The following DNER variants were observed in gnomAD, a reference collection of about 807,000 sequenced individuals.
DNER encodes delta and Notch-like epidermal growth factor-related receptor.
In DNER, 33 loss-of-function variants were observed where a neutral mutation model predicts 78.2. The observed-to-expected ratio is 0.42, with a 90% CI of 0.32 to 0.56. The LOEUF (loss-of-function observed/expected upper bound fraction) is 0.56. Ranked by LOEUF, DNER falls within the 20% of genes least tolerant of loss-of-function variation. The probability of loss-of-function intolerance (pLI) is 0.11; values close to 1 mark genes in which losing one functional copy is unlikely to be tolerated. For missense variants in DNER, 918 were observed against 975.3 expected (o/e 0.94, Z 0.78); for synonymous variants, 417 against 384.8 (o/e 1.08, Z -0.98).
chr2:229,593,453 C>T (rs865942625), intron 1 of DNER, among the ~76,000 whole-genome samples: 1 of 152,196 alleles, frequency 6.6e-6, no homozygotes, highest in African/African-American at 2.4e-5. Flanking sequence ...AGCCTTCCCT[C>T]ACTGTGAAAT....
At chr2:229,398,577 G>C (rs1574825640) in intron 10 of DNER, among the ~76,000 whole-genome samples, 1 of 152,032 alleles carries the variant, frequency 6.6e-6, no homozygotes, top group South Asian at 2.1e-4. Flanking sequence ...ACTATTTTGT[G>C]TCTACGTTCA....
intron 4 of DNER, among the ~76,000 whole-genome samples, chr2:229,581,416 C>T (rs1697394931): frequency 6.6e-6 from 1 of 151,826 alleles, no homozygotes; most frequent in Non-Finnish European, 1.5e-5. Flanking sequence ...AAACAAAAGG[C>T]TAATTTAGAT....
chr2:229,691,736 T>TA (rs367750179), intron 1 of DNER, among the ~76,000 whole-genome samples: 33 of 146,052 alleles, frequency 2.3e-4, no homozygotes, highest in Admixed American at 2.7e-4. Context: ...AACAATTGGT[T>TA]AAAAAAAAAA....
At chr2:229,521,163 T>A (rs1473190713) in intron 5 of DNER, among the ~76,000 whole-genome samples, 1 of 152,244 alleles carries the variant, frequency 6.6e-6, no homozygotes, top group Non-Finnish European at 1.5e-5. Context: ...CGGAAAGCTC[T>A]GGAATCATTT....
At chr2:229,603,495 A>G (rs184425154) in intron 1 of DNER, among the ~76,000 whole-genome samples, 11 of 152,340 alleles carry the variant, frequency 7.2e-5, no homozygotes, top group Admixed American at 5.2e-4. Context: ...ATGAAAAAGA[A>G]AGAACTATAG....
intron 1 of DNER, among the ~76,000 whole-genome samples, chr2:229,621,923 A>C (rs141533245): frequency 0.021 from 3,237 of 152,190 alleles, 45 homozygotes; most frequent in Middle Eastern, 0.034. Context: ...GTCTCTACTA[A>C]AAATAAAAAA....
At chr2:229,437,403 G>A (rs181043746) in intron 8 of DNER, among the ~76,000 whole-genome samples, 1 of 152,268 alleles carries the variant, frequency 6.6e-6, no homozygotes, top group East Asian at 1.9e-4. Flanking sequence ...GCAAATTAAT[G>A]GGCATGATAG....
At chr2:229,415,388 G>A (rs946915635) in intron 9 of DNER, among the ~76,000 whole-genome samples, 1 of 152,168 alleles carries the variant, frequency 6.6e-6, no homozygotes, top group African/African-American at 2.4e-5. Context: ...GAGCCCCTGA[G>A]CTGGGAATTG....
intron 1 of DNER, among the ~76,000 whole-genome samples, chr2:229,625,258 C>T (rs998115095): frequency 1.3e-5 from 2 of 152,080 alleles, no homozygotes; most frequent in African/African-American, 2.4e-5. Flanking sequence ...GGAAAATCAC[C>T]GGGGGCTGGG....
rs533339966 is a variant in DNER at position 229,424,179 on chromosome 2, C to T, written c.1487-5949G>A. Reference sequence around the variant, plus strand: ...CTAAAGAACAGGGTCTCCACCTACACGGAGCATCCAGTGTGGTAGCAAGTT... The same window carrying T: ...CTAAAGAACAGGGTCTCCACCTACATGGAGCATCCAGTGTGGTAGCAAGTT... On this transcript the variant is annotated intron_variant, in intron 8 of 12. Coordinates refer to ENST00000341772, the MANE Select transcript of DNER (RefSeq NM_139072.4). Among the ~76,000 whole-genome samples, 6 of 152,338 alleles carry T rather than the reference C, an allele frequency of 3.9e-5. No individual in the cohort carries two copies. In the East Asian group the frequency reaches 9.6e-4, roughly 24 times the overall value.
chr2:229,477,152 G>A lies in DNER; in HGVS notation c.1249C>T (p.Gln417Ter). Reference protein sequence around the residue: ...CISSLSGFTCQCPEGYFGSAC... With the variant: ...CISSLSGFTC ...AAATACTAATTACCTTCTGGACACT[G>A]GCAGGTGAATCCACTGAGACTGGAA... Residue 417 changes from glutamine (Q) to a stop codon, truncating the protein, a stop_gained, in exon 7 of 13, where the codon CAG becomes TAG. Transcript: ENST00000341772. LOFTEE classifies it high-confidence loss of function. The A allele has an allele frequency of 6.2e-7, 1 of 1,613,430 alleles. No homozygotes were observed. The highest frequency in any genetic ancestry group is 8.5e-7 in the Non-Finnish European group (1 of 1,179,634).
At chr2:229,562,917 C>T (rs916132228) in intron 4 of DNER, among the ~76,000 whole-genome samples, 1 of 151,662 alleles carries the variant, frequency 6.6e-6, no homozygotes, top group Non-Finnish European at 1.5e-5. Flanking sequence ...CATCATCATC[C>T]TTATCCCATC....
chr2:229,618,442 C>T (rs1379740656), intron 1 of DNER, among the ~76,000 whole-genome samples: 1 of 152,164 alleles, frequency 6.6e-6, no homozygotes, highest in Non-Finnish European at 1.5e-5. Context: ...TATGTGGCTC[C>T]AGAAGGTGGG....
chr2:229,512,578 A>AT (rs1333400450), intron 6 of DNER, among the ~76,000 whole-genome samples: 3 of 152,138 alleles, frequency 2.0e-5, no homozygotes, highest in Non-Finnish European at 4.4e-5. Flanking sequence ...AAGGGTGACA[A>AT]GGGGATGAGG....
chr2:229,603,006 C>T (rs79730615), intron 1 of DNER, among the ~76,000 whole-genome samples: 4,658 of 152,174 alleles, frequency 0.031, 216 homozygotes, highest in African/African-American at 0.097. Context: ...TAGCATGACA[C>T]TGGCAGAAAG....
intron 1 of DNER, among the ~76,000 whole-genome samples, chr2:229,596,546 CT>C (rs1202550075): frequency 6.6e-6 from 1 of 152,144 alleles, no homozygotes; most frequent in Non-Finnish European, 1.5e-5. Flanking sequence ...CTGGGAGCCA[CT>C]TTGTGAAGCC....
intron 11 of DNER, among the ~76,000 whole-genome samples, chr2:229,371,658 G>A (rs1189678468): frequency 6.6e-6 from 1 of 152,228 alleles, no homozygotes; most frequent in East Asian, 1.9e-4. Flanking sequence ...TGGCCAAGCT[G>A]AGAATAAAAT....
At chr2:229,712,111 C>T (rs185942107) in intron 1 of DNER, among the ~76,000 whole-genome samples, 2 of 152,298 alleles carry the variant, frequency 1.3e-5, no homozygotes, top group East Asian at 3.9e-4. Flanking sequence ...CTCCAACTCA[C>T]ACACCAGGGC....
At chr2:229,664,886 T>A (rs891542111) in intron 1 of DNER, among the ~76,000 whole-genome samples, 40 of 152,158 alleles carry the variant, frequency 2.6e-4, no homozygotes, top group African/African-American at 9.4e-4. Context: ...AGGAAAAAAT[T>A]TGGACCCTGT....
Sources: gnomAD v4.1 joint callset for allele counts (sites outside exome capture counted in the v4.1 genomes callset) on GRCh38, gnomAD v4.1.1 for gene constraint, MANE v1.5 for transcripts, NCBI Gene and HGNC (gene_info 2026-07-23, HGNC 2026-07-21) for gene names.